MCPH1: variants seen among roughly 807,000 people sequenced by gnomAD.
MCPH1 encodes microcephalin.
In MCPH1, 104 loss-of-function variants were observed where a neutral mutation model predicts 84.5. That is an observed-to-expected ratio of 1.23 (90% CI 1.05 to 1.45). The LOEUF is 1.45. Among genes scored for constraint, MCPH1 ranks in the 40% most tolerant of loss-of-function variants. The pLI is 0.00. For synonymous variants in MCPH1, 514 were observed against 366.8 expected (o/e 1.40, Z -4.58); for missense variants, 1,498 against 1,005.7 (o/e 1.49, Z -6.62).
At chr8:6,603,471 A>G (rs1829527546) in intron 12 of MCPH1, among the ~76,000 whole-genome samples, 1 of 152,222 alleles carries the variant, frequency 6.6e-6, no homozygotes, top group African/African-American at 2.4e-5. Context: ...TTTAAAAGTT[A>G]AACACATACC....
At chr8:6,555,247 C>T (rs1407674713) in intron 12 of MCPH1, among the ~76,000 whole-genome samples, 3 of 152,050 alleles carry the variant, frequency 2.0e-5, no homozygotes, top group Non-Finnish European at 4.4e-5. Context: ...ACAATCAAAC[C>T]GTTTTCAAAC....
rs1327158441 is a variant in MCPH1 at position 6,645,533 on chromosome 8, G to C, written c.*2484G>C. 1.4e-5 allele frequency: 2 copies of C among 138,586 alleles called. No homozygotes were observed. Among genetic ancestry groups the C allele is most frequent in the Admixed American group, 7.8e-5 (1 of 12,746 alleles). 8.6% of individuals were successfully genotyped at this position (138,586 alleles called of 1,614,324 possible). A position where few individuals can be genotyped will look rare whatever the true frequency, so the allele number is the denominator to read the frequency against. ...AATAAAAGGAAATTAAAGCTATACAGATTGGAAGTGAAGAAATAAAAGTCT... is the reference window on the plus strand; with the variant it reads ...AATAAAAGGAAATTAAAGCTATACACATTGGAAGTGAAGAAATAAAAGTCT... On this transcript the variant is annotated 3_prime_UTR_variant, in exon 14 of 14. Coordinates refer to ENST00000344683, the MANE Select transcript of MCPH1 (RefSeq NM_024596.5).
intron 12 of MCPH1, among the ~76,000 whole-genome samples, chr8:6,513,071 T>C (rs2129567427): frequency 6.6e-6 from 1 of 152,358 alleles, no homozygotes; most frequent in South Asian, 2.1e-4. Context: ...GAACACTTAC[T>C]ATTCACTGAT....
intron 11 of MCPH1, among the ~76,000 whole-genome samples, chr8:6,490,745 G>A (rs561335141): frequency 6.6e-6 from 1 of 152,060 alleles, no homozygotes; most frequent in African/African-American, 2.4e-5. Context: ...CAGAAAATTT[G>A]TTAGGCTGTC....
intron 9 of MCPH1, among the ~76,000 whole-genome samples, chr8:6,477,036 CAA>C (rs5889171): frequency 2.6e-4 from 35 of 136,954 alleles, no homozygotes; most frequent in African/African-American, 8.4e-4. Flanking sequence ...CTTAGATAAG[CAA>C]AAAAAAAATT....
At chr8:6,576,032 CA>C (rs1563147240) in intron 12 of MCPH1, among the ~76,000 whole-genome samples, 1 of 110,218 alleles carries the variant, frequency 9.1e-6, no homozygotes, top group Non-Finnish European at 1.8e-5. Flanking sequence ...ACAACCCTAG[CA>C]AACTAATACA....
chr8:6,536,913 A>G (rs1563086254), intron 12 of MCPH1, among the ~76,000 whole-genome samples: 1 of 151,732 alleles, frequency 6.6e-6, no homozygotes, highest in African/African-American at 2.4e-5. Context: ...ACCCAGAAAT[A>G]TAGAAACCTG....
Position 6,520,278 on chromosome 8 carries a change from T to G in MCPH1, c.2214+20349T>G, listed in dbSNP as rs142883893. 4.9e-4 allele frequency among the ~76,000 whole-genome samples: 75 copies of G among 152,334 alleles called. 1 individual carries two copies. Among genetic ancestry groups the G allele is most frequent in the African/African-American group, 1.7e-3 (70 of 41,570 alleles). ...GATCAATTACATGTAATGAAAGTAC[T>G]TCACAATCACATAAATTAAATTATT... is the stretch of plus-strand genomic sequence containing the variant. On this transcript the variant is annotated intron_variant, in intron 12 of 13. Coordinates refer to ENST00000344683, the MANE Select transcript of MCPH1 (RefSeq NM_024596.5).
intron 12 of MCPH1, among the ~76,000 whole-genome samples, chr8:6,613,267 G>T (rs986729839): frequency 6.6e-6 from 1 of 152,212 alleles, no homozygotes; most frequent in African/African-American, 2.4e-5. Context: ...AGGAGGGGAG[G>T]ACGAGCCGGG....
intron 12 of MCPH1, chr8:6,502,456 G>C (rs1482378073): frequency 1.3e-5 from 2 of 152,120 alleles, no homozygotes; most frequent in East Asian, 1.9e-4. Context: ...ATACGTATTT[G>C]AGCATTAACT....
rs1311796642 is a variant in MCPH1 at position 6,626,565 on chromosome 8, C to A, written c.2452+4874C>A. 3.0e-6 allele frequency: 3 copies of A among 983,636 alleles called. No homozygotes were observed. In the South Asian group the frequency reaches 1.4e-4, roughly 46 times the overall value. The allele number at this position is 983,636 out of a possible 1,614,324, so 60.9% of individuals were successfully genotyped here. ...AACGGGAAAACAAAAATCAAATTCCCGGCCCTAGGAAATAAAATGTTACCT... is the reference window on the plus strand; with the variant it reads ...AACGGGAAAACAAAAATCAAATTCCAGGCCCTAGGAAATAAAATGTTACCT... On this transcript the variant is annotated intron_variant, in intron 13 of 13. Transcript: ENST00000344683.
chr8:6,580,644 C>G (rs182880626), intron 12 of MCPH1, among the ~76,000 whole-genome samples: 3 of 152,126 alleles, frequency 2.0e-5, no homozygotes, highest in Non-Finnish European at 4.4e-5. Flanking sequence ...GAGCAAGACT[C>G]TATCTCAACC....
chr8:6,481,071 TG>T (rs1300362031), intron 11 of MCPH1, among the ~76,000 whole-genome samples, 195 bp downstream of exon 11: 16 of 152,166 alleles, frequency 1.1e-4, no homozygotes, highest in Non-Finnish European at 1.5e-5. Context: ...GGCCAAGTTC[TG>T]GGGCAACAGG....
intron 8 of MCPH1, chr8:6,446,104 C>A: frequency 1.0e-6 from 1 of 973,200 alleles, no homozygotes; most frequent in South Asian, 4.7e-5. Flanking sequence ...TCATTTGTAA[C>A]AAGCCTTGTT....
At chr8:6,503,328 A>G (rs933652319) in intron 12 of MCPH1, 7 of 1,566,050 alleles carry the variant, frequency 4.5e-6, no homozygotes, top group Non-Finnish European at 6.1e-6. Flanking sequence ...GAAGACAGCA[A>G]TACTCAGCTA....
intron 12 of MCPH1, among the ~76,000 whole-genome samples, chr8:6,532,110 A>T (rs1344913136): frequency 6.6e-6 from 1 of 152,230 alleles, no homozygotes; most frequent in African/African-American, 2.4e-5. Flanking sequence ...TTCAGTAGAT[A>T]GAACACATGA....
intron 11 of MCPH1, among the ~76,000 whole-genome samples, chr8:6,481,225 A>G (rs1809197755): frequency 6.6e-6 from 1 of 152,170 alleles, no homozygotes; most frequent in Non-Finnish European, 1.5e-5. Flanking sequence ...AAACATTGTG[A>G]GCTGTGGTGG....
At chr8:6,576,889 C>G (rs1178679447) in intron 12 of MCPH1, among the ~76,000 whole-genome samples, 1 of 151,794 alleles carries the variant, frequency 6.6e-6, no homozygotes, top group African/African-American at 2.4e-5. Flanking sequence ...AAAATGGCAT[C>G]TGTGCATTCA....
intron 2 of MCPH1, among the ~76,000 whole-genome samples, chr8:6,414,133 G>C (rs530184058): frequency 1.6e-4 from 24 of 152,228 alleles, no homozygotes; most frequent in African/African-American, 5.8e-4. Flanking sequence ...TTGTATTTAT[G>C]CATTTAAGAT....
Sources: allele counts gnomAD v4.1 joint callset (sites outside exome capture counted in the v4.1 genomes callset), GRCh38; gene constraint gnomAD v4.1.1; transcripts MANE v1.5; gene names NCBI Gene and HGNC (gene_info 2026-07-23, HGNC 2026-07-21).